The following DLG2 variants were observed in gnomAD, a reference collection of about 807,000 sequenced individuals.
DLG2 encodes discs large MAGUK scaffold protein 2.
DLG2 carries 45 observed loss-of-function variants against 132.5 expected under a neutral mutation model. The observed-to-expected ratio is 0.34, with a 90% CI of 0.27 to 0.44. The LOEUF (loss-of-function observed/expected upper bound fraction) is 0.44, where lower values mean the gene tolerates loss of function less well. Ranked by LOEUF, DLG2 falls within the 20% of genes least tolerant of loss-of-function variation. The pLI is 1.00. For synonymous variants in DLG2, 424 were observed against 419.6 expected (o/e 1.01, Z -0.13); for missense variants, 1,045 against 1,196.9 (o/e 0.87, Z 1.87).
At chr11:84,332,147 G>A (rs1057347449) in intron 7 of DLG2, among the ~76,000 whole-genome samples, 1 of 150,924 alleles carries the variant, frequency 6.6e-6, no homozygotes. Flanking sequence ...TCAATTATCT[G>A]ATATTTTTTC....
chr11:84,920,646 T>G (rs965807708), intron 6 of DLG2, among the ~76,000 whole-genome samples: 1 of 152,172 alleles, frequency 6.6e-6, no homozygotes, highest in Non-Finnish European at 1.5e-5. Flanking sequence ...ATAGATGTCA[T>G]TCAAAAAATT....
intron 17 of DLG2, among the ~76,000 whole-genome samples, chr11:83,797,604 C>T (rs12801433): frequency 0.4 from 61,007 of 151,744 alleles, 12,672 homozygotes; most frequent in Middle Eastern, 0.58. Context: ...CTGCAAGCTT[C>T]GCCTTCTGGG....
At chr11:83,989,550 A>G (rs1193909291) in intron 11 of DLG2, among the ~76,000 whole-genome samples, 3 of 152,162 alleles carry the variant, frequency 2.0e-5, no homozygotes, top group Admixed American at 2.0e-4. Context: ...GAGAATAATT[A>G]ACAGAAGTTT....
intron 21 of DLG2, among the ~76,000 whole-genome samples, chr11:83,514,899 C>G (rs1431608666): frequency 2.0e-5 from 3 of 152,018 alleles, no homozygotes; most frequent in African/African-American, 7.2e-5. Flanking sequence ...CGTGGATATG[C>G]TTTTTGATGT....
intron 3 of DLG2, among the ~76,000 whole-genome samples, chr11:85,571,654 TAAGAAA>T (rs2153225612): frequency 6.6e-6 from 1 of 152,328 alleles, no homozygotes; most frequent in South Asian, 2.1e-4. Context: ...CCCAATTTCA[TAAGAAA>T]AAGTCAGAAC....
Position 85,191,162 on chromosome 11 carries a change from GCACACACACACA to G in DLG2, c.187-36523_187-36512del, listed in dbSNP as rs3067460. Among the ~76,000 whole-genome samples the G allele has an allele frequency of 6.7e-3, 938 of 139,922 alleles. 14 individuals carry two copies. Among genetic ancestry groups the G allele is most frequent in the East Asian group, 0.061 (286 of 4,670 alleles). The allele number at this position is 139,922 out of a possible 152,430, so 91.8% of individuals were successfully genotyped here. ...TATGCATGCGCGCGCGCGCACGCGC[GCACACACACACA>G]CACACACACACACACACACACACAC... On this transcript the variant is annotated intron_variant, in intron 4 of 27. Transcript: ENST00000376104.
At chr11:84,230,899 T>TG (rs1419722914) in intron 8 of DLG2, among the ~76,000 whole-genome samples, 1 of 152,142 alleles carries the variant, frequency 6.6e-6, no homozygotes, top group African/African-American at 2.4e-5. Context: ...TACAAGAACT[T>TG]GAAGAATAAA....
At chr11:85,390,638 C>A (rs2086718651) in intron 3 of DLG2, among the ~76,000 whole-genome samples, 1 of 151,894 alleles carries the variant, frequency 6.6e-6, no homozygotes, top group Admixed American at 6.6e-5. Context: ...CAAAAGGAAC[C>A]CTCAAAATCA....
At chr11:84,689,100 G>GT (rs1252650751) in intron 6 of DLG2, among the ~76,000 whole-genome samples, 1 of 152,028 alleles carries the variant, frequency 6.6e-6, no homozygotes, top group African/African-American at 2.4e-5. Flanking sequence ...ATTATTACCT[G>GT]TTTTTTCAAC....
intron 16 of DLG2, among the ~76,000 whole-genome samples, chr11:83,844,749 C>T (rs939366637): frequency 2.6e-5 from 4 of 151,940 alleles, no homozygotes; most frequent in African/African-American, 7.3e-5. Flanking sequence ...CCAGCTCCAG[C>T]TGCAGGTGGC....
Position 83,571,660 on chromosome 11 carries a change from T to C in DLG2, c.1941-29802A>G, listed in dbSNP as rs528717764. On this transcript the variant is annotated intron_variant, in intron 19 of 27. Coordinates refer to ENST00000376104, the MANE Select transcript of DLG2 (RefSeq NM_001142699.3). ...GCATGTGCATTAATAAGCACGATGA[T>C]AGTTTGTTATATATAGTGAGAAATA... is the stretch of plus-strand genomic sequence containing the variant. 2.1e-4 allele frequency among the ~76,000 whole-genome samples: 32 copies of C among 151,416 alleles called. No individual in the cohort carries two copies. The South Asian group carries it at 4.4e-3, about 21-fold the overall frequency.
chr11:84,782,108 G>A (rs180738676), intron 6 of DLG2, among the ~76,000 whole-genome samples: 7 of 152,148 alleles, frequency 4.6e-5, no homozygotes, highest in Admixed American at 2.0e-4. Flanking sequence ...ATGGATACCT[G>A]CAAAACCCCA....
At chr11:84,836,509 C>T (rs1383492963) in intron 6 of DLG2, among the ~76,000 whole-genome samples, 1 of 151,574 alleles carries the variant, frequency 6.6e-6, no homozygotes, top group Non-Finnish European at 1.5e-5. Flanking sequence ...ACATCAAAGC[C>T]CTTGTCTTTT....
intron 6 of DLG2, among the ~76,000 whole-genome samples, chr11:84,648,806 A>T (rs917289588): frequency 2.0e-5 from 3 of 152,020 alleles, no homozygotes; most frequent in Non-Finnish European, 4.4e-5. Context: ...ACACACACAG[A>T]CACACAATGT....
chr11:84,896,987 T>C (rs1383044281), intron 6 of DLG2, among the ~76,000 whole-genome samples: 1 of 151,828 alleles, frequency 6.6e-6, no homozygotes, highest in East Asian at 1.9e-4. Flanking sequence ...TTTTTCATTA[T>C]AAAATGAGTT....
chr11:85,268,493 T>TG (rs2077348639), intron 4 of DLG2, among the ~76,000 whole-genome samples: 1 of 152,184 alleles, frequency 6.6e-6, no homozygotes, highest in Admixed American at 6.6e-5. Context: ...CTGACCACCT[T>TG]GGGCACATGT....
intron 5 of DLG2, among the ~76,000 whole-genome samples, chr11:85,143,418 G>A (rs763483957): frequency 4.6e-5 from 7 of 151,182 alleles, no homozygotes; most frequent in African/African-American, 7.3e-5. Context: ...TTTATATTGC[G>A]GTGTCTTCTC....
Position 83,603,812 on chromosome 11 carries a change from T to C in DLG2, c.1940+29399A>G, listed in dbSNP as rs558908106. Among the ~76,000 whole-genome samples the C allele has an allele frequency of 5.0e-4, 76 of 152,322 alleles. 2 individuals carry two copies. Among genetic ancestry groups the C allele is most frequent in the Admixed American group, 2.7e-3 (42 of 15,306 alleles). On this transcript the variant is annotated intron_variant, in intron 19 of 27. Coordinates refer to ENST00000376104, the MANE Select transcript of DLG2 (RefSeq NM_001142699.3). ...TTGTTTTAAAAGTCCTTACCCATTTTCTATAGGGCTGTTTGAATCTTTCTG... is the reference window on the plus strand; with the variant it reads ...TTGTTTTAAAAGTCCTTACCCATTTCCTATAGGGCTGTTTGAATCTTTCTG...
rs145829252 is a variant in DLG2, at chr11:84,929,246, G to C, written c.357+182415C>G. ...AGTCTTTTAATTGTAAAGCCCAGAG[G>C]AAATTTCTCAAGACCCCAGTGCCTA... On this transcript the variant is annotated intron_variant, in intron 6 of 27. Transcript: ENST00000376104. Among the ~76,000 whole-genome samples the C allele has an allele frequency of 2.7e-3, 402 of 151,134 alleles. 1 individual carries two copies. Among genetic ancestry groups the C allele is most frequent in the Admixed American group, 7.7e-3 (117 of 15,130 alleles).
Sources: allele counts gnomAD v4.1 joint callset (sites outside exome capture counted in the v4.1 genomes callset), GRCh38; gene constraint gnomAD v4.1.1; transcripts MANE v1.5; gene names NCBI Gene and HGNC (gene_info 2026-07-23, HGNC 2026-07-21).